Variants in CRACR2A observed in about 807,000 individuals in gnomAD.
CRACR2A encodes the protein EF-hand calcium-binding domain-containing protein 4B.
A neutral mutation model predicts 90.5 loss-of-function variants in CRACR2A; 79 were observed. That is an observed-to-expected ratio of 0.87 (90% CI 0.73 to 1.05). The LOEUF (loss-of-function observed/expected upper bound fraction) is 1.05, where lower values mean the gene tolerates loss of function less well. CRACR2A is among the 50% of genes least tolerant of loss of function. The pLI is 0.00. For missense variants in CRACR2A, 823 were observed against 897.2 expected (o/e 0.92, Z 1.06); for synonymous variants, 338 against 356.7 (o/e 0.95, Z 0.59).
At chr12:3,749,305 C>T (rs57276188) in intron 1 of CRACR2A, among the ~76,000 whole-genome samples, 7,043 of 152,268 alleles carry the variant, frequency 0.046, 364 homozygotes, top group East Asian at 0.22. Flanking sequence ...CTTTCACTCC[C>T]GGCAGTGCCC....
At position 3,627,724 on chromosome 12, in the gene CRACR2A, C is replaced by T. The variant is rs1469402431; in HGVS notation, c.1736-18G>A. 1.3e-6 allele frequency: 2 copies of T among 1,551,350 alleles called. No individual in the cohort carries two copies. The highest frequency in any genetic ancestry group is 1.7e-6 in the Non-Finnish European group (2 of 1,146,658). ...ATCAATGCCTGCAGGGTGAAATGGG[C>T]CTGTCAGGGCTGCCCTGGGCCAGGG... On this transcript the variant is annotated intron_variant, in intron 15 of 19. Transcript: ENST00000440314.
rs562907404 is a variant in CRACR2A at position 3,627,332 on chromosome 12, C to T, written c.1932+104G>A. 1.2e-3 allele frequency: 964 copies of T among 830,208 alleles called. 4 individuals are homozygous for T. The highest frequency in any genetic ancestry group is 4.0e-3 in the South Asian group (230 of 57,526). The allele number at this position is 830,208 out of a possible 1,614,324, so 51.4% of individuals were successfully genotyped here. A position where few individuals can be genotyped will look rare whatever the true frequency, so the allele number is the denominator to read the frequency against. On this transcript the variant is annotated intron_variant, in intron 17 of 19. Transcript: ENST00000440314. ...GTTTGTTCCTGGAAAAGGCAAGTTC[C>T]GAATCAGATTTTGAAAATGCAGAGG...
chr12:3,684,040 G>C (rs1212147496), intron 4 of CRACR2A, among the ~76,000 whole-genome samples: 1 of 152,168 alleles, frequency 6.6e-6, no homozygotes, highest in Non-Finnish European at 1.5e-5. Flanking sequence ...ACTCCAGCCA[G>C]GCTCCTTTAC....
intron 7 of CRACR2A, among the ~76,000 whole-genome samples, chr12:3,669,097 A>G (rs1174153216): frequency 1.3e-5 from 2 of 152,226 alleles, no homozygotes; most frequent in Non-Finnish European, 2.9e-5. Context: ...ACTTTCCTTC[A>G]GAGCTCAAAG....
intron 18 of CRACR2A, among the ~76,000 whole-genome samples, chr12:3,617,748 A>C (rs558439691): frequency 3.3e-4 from 50 of 152,272 alleles, no homozygotes; most frequent in Non-Finnish European, 5.6e-4. Flanking sequence ...GACAATGCTG[A>C]TGGCACAGGG....
intron 4 of CRACR2A, among the ~76,000 whole-genome samples, chr12:3,693,893 G>T (rs1455904451): frequency 1.3e-5 from 2 of 152,148 alleles, no homozygotes; most frequent in Non-Finnish European, 2.9e-5. Flanking sequence ...ATCAGCTGGC[G>T]TGGCGCCTCT....
chr12:3,655,705 C>T (rs1169965925), intron 9 of CRACR2A, among the ~76,000 whole-genome samples: 2 of 152,214 alleles, frequency 1.3e-5, no homozygotes, highest in East Asian at 3.9e-4. Context: ...GCCATATAGA[C>T]ACTGCCCTGC....
At chr12:3,747,149 G>C (rs1178500199) in intron 1 of CRACR2A, among the ~76,000 whole-genome samples, 30 of 152,224 alleles carry the variant, frequency 2.0e-4, no homozygotes, top group Admixed American at 2.0e-3. Flanking sequence ...CCTAGAGCCA[G>C]ACTGCCTGGG....
At chr12:3,728,194 G>A (rs1946301901) in intron 2 of CRACR2A, 1 of 152,134 alleles carries the variant, frequency 6.6e-6, no homozygotes, top group Admixed American at 6.5e-5. Flanking sequence ...CACAGGCAAC[G>A]GATCCCCAGA....
intron 7 of CRACR2A, among the ~76,000 whole-genome samples, chr12:3,662,579 A>C (rs1945056950): frequency 6.6e-6 from 1 of 152,248 alleles, no homozygotes; most frequent in Non-Finnish European, 1.5e-5. Flanking sequence ...GACAAAGGGC[A>C]GTGCTCCCCA....
intron 1 of CRACR2A, among the ~76,000 whole-genome samples, chr12:3,745,272 A>G (rs1212947243): frequency 1.3e-5 from 2 of 152,136 alleles, no homozygotes; most frequent in African/African-American, 2.4e-5. Flanking sequence ...TCTGCTGAAC[A>G]ATGTGTTATC....
intron 10 of CRACR2A, among the ~76,000 whole-genome samples, chr12:3,648,837 A>G (rs1944741621): frequency 6.6e-6 from 1 of 152,214 alleles, no homozygotes; most frequent in African/African-American, 2.4e-5. Flanking sequence ...TGACCATCAA[A>G]GAAGTCTGCT....
chr12:3,745,213 CCAAAAAG>C lies in CRACR2A; in HGVS notation c.-387+7795_-387+7801del, dbSNP rs1383005148. ...TCCAAACTCCCAGAAGACCCGAAAA[CCAAAAAG>C]CTACCGCAGGCCATGGCACCACTGA... On this transcript the variant is annotated intron_variant, in intron 1 of 19. Transcript: ENST00000440314. Among the ~76,000 whole-genome samples, 12 of 152,124 alleles carry C rather than the reference CCAAAAAG, an allele frequency of 7.9e-5. No individual in the cohort carries two copies. In the South Asian group the frequency reaches 1.2e-3, roughly 16 times the overall value.
chr12:3,698,383 GATT>G (rs992037005), intron 3 of CRACR2A, among the ~76,000 whole-genome samples: 2 of 152,194 alleles, frequency 1.3e-5, no homozygotes, highest in African/African-American at 4.8e-5. Flanking sequence ...AGGTTTCTCT[GATT>G]ACCAGGCCCT....
At chr12:3,631,872 G>A (rs923377587) in intron 15 of CRACR2A, among the ~76,000 whole-genome samples, 1 of 152,198 alleles carries the variant, frequency 6.6e-6, no homozygotes, top group Non-Finnish European at 1.5e-5. Flanking sequence ...CTCAAAGTTG[G>A]TCTTGTAGAA....
rs116740291 is a variant in CRACR2A, at chr12:3,650,894, T to C, written c.1047-2281A>G. Among the ~76,000 whole-genome samples the C allele has an allele frequency of 3.2e-3, 481 of 152,326 alleles. 5 individuals carry two copies. The highest frequency in any genetic ancestry group is 0.011 in the African/African-American group (456 of 41,576). ...GTTCTATTTGTCTAGTAAACATATA[T>C]CTGCTTGGATATTTGTACATCCATA... On this transcript the variant is annotated intron_variant, in intron 10 of 19. Transcript: ENST00000440314.
intron 4 of CRACR2A, among the ~76,000 whole-genome samples, chr12:3,687,806 C>T (rs1183194765): frequency 6.6e-5 from 10 of 152,194 alleles, no homozygotes; most frequent in Admixed American, 6.5e-4. Context: ...ACACTCCCAC[C>T]AACAGTGTGT....
chr12:3,655,663 G>A (rs540983653), intron 9 of CRACR2A, among the ~76,000 whole-genome samples: 21 of 152,310 alleles, frequency 1.4e-4, no homozygotes, highest in South Asian at 2.1e-4. Context: ...TTCTGGGGTC[G>A]TTAGCCAGGT....
intron 2 of CRACR2A, chr12:3,728,838 G>T (rs1565504621): frequency 6.6e-6 from 1 of 152,204 alleles, no homozygotes; most frequent in Non-Finnish European, 1.5e-5. Context: ...GTTCATCCTG[G>T]GCTGCGGGCA....
Sources: allele counts gnomAD v4.1 joint callset (sites outside exome capture counted in the v4.1 genomes callset), GRCh38; gene constraint gnomAD v4.1.1; transcripts MANE v1.5; gene names NCBI Gene and HGNC (gene_info 2026-07-23, HGNC 2026-07-21).